Variants in WDFY2 observed in about 807,000 individuals in gnomAD.
The protein encoded by WDFY2 is WD repeat and FYVE domain containing 2.
A neutral mutation model predicts 56.4 loss-of-function variants in WDFY2; 36 were observed. The ratio of observed to expected loss-of-function variants is 0.64; its 90% CI spans 0.49 to 0.84. The LOEUF is 0.84. WDFY2 is among the 40% of genes least tolerant of loss of function. The pLI is 0.00. For synonymous variants in WDFY2, 176 were observed against 183.7 expected (o/e 0.96, Z 0.34); for missense variants, 444 against 512.2 (o/e 0.87, Z 1.29).
At position 51,750,539 on chromosome 13, in the gene WDFY2, A is replaced by G. The variant is rs1566229417; in HGVS notation, c.726-771A>G. Among the ~76,000 whole-genome samples the G allele has an allele frequency of 1.3e-5, 2 of 149,810 alleles. 1 individual carries two copies. The highest frequency in any genetic ancestry group is 4.9e-5 in the African/African-American group (2 of 40,870). On this transcript the variant is annotated intron_variant, in intron 7 of 11. Coordinates refer to ENST00000298125, the MANE Select transcript of WDFY2 (RefSeq NM_052950.4). ...TGAGCTCAAAATAGACGAACATACAAAAAAAAAAAAAAGACCAAGAAACTA... is the reference window on the plus strand; with the variant it reads ...TGAGCTCAAAATAGACGAACATACAGAAAAAAAAAAAAGACCAAGAAACTA...
chr13:51,658,035 G>A (rs1955542524), intron 1 of WDFY2, among the ~76,000 whole-genome samples: 1 of 151,312 alleles, frequency 6.6e-6, no homozygotes, highest in African/African-American at 2.4e-5. Context: ...CTTTTTCTTT[G>A]TATACTTTGC....
At chr13:51,758,153 C>T in intron 10 of WDFY2, 39 bp from the exon 11 acceptor site, 2 of 1,492,068 alleles carry the variant, frequency 1.3e-6, no homozygotes, top group South Asian at 2.6e-5. Context: ...TCATATGTCA[C>T]CACCTTTTCC....
At chr13:51,730,908 G>A (rs1410524975) in intron 6 of WDFY2, among the ~76,000 whole-genome samples, 2 of 152,194 alleles carry the variant, frequency 1.3e-5, no homozygotes, top group Non-Finnish European at 2.9e-5. Flanking sequence ...CAGCCAGAAA[G>A]CAAGAGTCAC....
chr13:51,692,229 T>C (rs568719039), intron 3 of WDFY2, among the ~76,000 whole-genome samples: 1 of 152,328 alleles, frequency 6.6e-6, no homozygotes, highest in Non-Finnish European at 1.5e-5. Context: ...TCCAACACTA[T>C]GTTGAATAGG....
At chr13:51,666,213 T>C (rs2138474459) in intron 2 of WDFY2, among the ~76,000 whole-genome samples, 1 of 152,360 alleles carries the variant, frequency 6.6e-6, no homozygotes, top group South Asian at 2.1e-4. Flanking sequence ...ATTTGGAGTT[T>C]TCCCACTTGT....
At chr13:51,743,097 CTG>C (rs1483880200) in intron 7 of WDFY2, among the ~76,000 whole-genome samples, 1 of 152,230 alleles carries the variant, frequency 6.6e-6, no homozygotes, top group Non-Finnish European at 1.5e-5. Context: ...CTGCTCAAAT[CTG>C]TGAGATTTAA....
At chr13:51,592,567 T>G (rs1337262095) in intron 1 of WDFY2, 1 of 149,770 alleles carries the variant, frequency 6.7e-6, no homozygotes, top group East Asian at 1.9e-4. Context: ...AGAGCGAGAC[T>G]CCATCTCAAA....
At chr13:51,584,946 G>A in intron 1 of WDFY2, 122 bp downstream of exon 1, 1 of 1,351,012 alleles carries the variant, frequency 7.4e-7, no homozygotes, top group Non-Finnish European at 1.0e-6. Flanking sequence ...AAGTTTTATT[G>A]TAATGCGCAT....
intron 1 of WDFY2, among the ~76,000 whole-genome samples, chr13:51,614,075 A>G (rs1433741461): frequency 2.0e-5 from 3 of 151,268 alleles, no homozygotes; most frequent in African/African-American, 7.3e-5. Flanking sequence ...AATCCCAACT[A>G]CTTGGGAGGC....
At chr13:51,598,486 T>A (rs1329345421) in intron 1 of WDFY2, 1 of 152,196 alleles carries the variant, frequency 6.6e-6, no homozygotes, top group Non-Finnish European at 1.5e-5. Context: ...AACACAGCCC[T>A]CCTAGGTGCA....
chr13:51,623,345 T>C (rs1954776900), intron 1 of WDFY2, among the ~76,000 whole-genome samples: 3 of 151,818 alleles, frequency 2.0e-5, no homozygotes, highest in Non-Finnish European at 4.4e-5. Context: ...ACTGGAAAGA[T>C]GAAAAGGAGG....
chr13:51,644,865 C>CGTT (rs1955236317), intron 1 of WDFY2, among the ~76,000 whole-genome samples: 1 of 152,144 alleles, frequency 6.6e-6, no homozygotes, highest in African/African-American at 2.4e-5. Context: ...GTCTTGAAAC[C>CGTT]GCTGGCCACC....
intron 1 of WDFY2, among the ~76,000 whole-genome samples, chr13:51,608,128 TGACCTTCA>T (rs993556391): frequency 3.3e-5 from 5 of 152,236 alleles, no homozygotes; most frequent in African/African-American, 1.2e-4. Flanking sequence ...TTTGGACTTC[TGACCTTCA>T]GAACTGTAAG....
intron 1 of WDFY2, among the ~76,000 whole-genome samples, chr13:51,636,473 G>A (rs1442844777): frequency 1.3e-5 from 2 of 152,180 alleles, no homozygotes; most frequent in Non-Finnish European, 2.9e-5. Flanking sequence ...CAGTCCTTGG[G>A]CTTCGTGATA....
chr13:51,715,564 TC>T (rs1437269424), intron 4 of WDFY2, among the ~76,000 whole-genome samples: 3 of 152,152 alleles, frequency 2.0e-5, no homozygotes, highest in African/African-American at 7.2e-5. Context: ...TCTGGATACT[TC>T]CTGCAGGACC....
In WDFY2 at chr13:51,584,813, C is replaced by T. The variant is rs147030628; in HGVS notation, c.126C>T (p.Val42=). 73 of 1,613,764 alleles carry T rather than the reference C, an allele frequency of 4.5e-5. No homozygotes were observed. The highest frequency in any genetic ancestry group is 5.9e-5 in the Non-Finnish European group (70 of 1,179,806). Reference sequence around the variant, plus strand: ...CCAAAGAGGAGGGCGTCATCAGCGTCTCCGAGGACAGGTATGGACTACTGC... The same window carrying T: ...CCAAAGAGGAGGGCGTCATCAGCGTTTCCGAGGACAGGTATGGACTACTGC... ...IVPKEEGVIS[V]SEDRTVRVWL... is the part of the protein sequence containing the mutation. Residue 42 remains valine (V), a synonymous_variant, in exon 1 of 12, where the codon GTC becomes GTT. Transcript: ENST00000298125.
At chr13:51,659,627 G>T (rs1593950047) in intron 1 of WDFY2, among the ~76,000 whole-genome samples, 1 of 152,306 alleles carries the variant, frequency 6.6e-6, no homozygotes. Context: ...AGCTAGTTGA[G>T]TCTTTGGTGT....
In WDFY2 at chr13:51,608,014, T is replaced by C. The variant is rs1435749835; in HGVS notation, c.137+23190T>C. The stretch of plus-strand genomic sequence containing the variant: ...GATGTGGCCACAAGCTAAGGAATGC[T>C]GGAAGTCTTTAGAAGCTGGAAAAGG... On this transcript the variant is annotated intron_variant, in intron 1 of 11. Coordinates refer to ENST00000298125, the MANE Select transcript of WDFY2 (RefSeq NM_052950.4). Among the ~76,000 whole-genome samples, 6 of 152,296 alleles carry C rather than the reference T, an allele frequency of 3.9e-5. No homozygotes were observed. The South Asian group carries it at 1.2e-3, about 32-fold the overall frequency.
intron 2 of WDFY2, among the ~76,000 whole-genome samples, chr13:51,663,910 A>C (rs1955657653): frequency 6.6e-6 from 1 of 152,252 alleles, no homozygotes; most frequent in South Asian, 2.1e-4. Flanking sequence ...AAGAAAATAA[A>C]AAGAAAATAT....
Sources: gnomAD v4.1 joint callset for allele counts (sites outside exome capture counted in the v4.1 genomes callset) on GRCh38, gnomAD v4.1.1 for gene constraint, MANE v1.5 for transcripts, NCBI Gene and HGNC (gene_info 2026-07-23, HGNC 2026-07-21) for gene names.